The following THAP12 variants were observed in gnomAD, a reference collection of about 807,000 sequenced individuals.
The protein encoded by THAP12 is 52 kDa repressor of the inhibitor of the protein kinase.
THAP12 carries 20 observed loss-of-function variants against 63.0 expected under a neutral mutation model. That is an observed-to-expected ratio of 0.32 (90% CI 0.22 to 0.46). THAP12 has a LOEUF of 0.46. Among genes scored for constraint, THAP12 ranks in the 20% least tolerant of loss-of-function variants. The probability of loss-of-function intolerance (pLI) is 1.00; values close to 1 mark genes in which losing one functional copy is unlikely to be tolerated. For synonymous variants in THAP12, 264 were observed against 328.4 expected (o/e 0.80, Z 2.12); for missense variants, 568 against 908.2 (o/e 0.63, Z 4.81).
At chr11:76,369,246 T>C (rs1946653659) in intron 1 of THAP12, among the ~76,000 whole-genome samples, 1 of 152,172 alleles carries the variant, frequency 6.6e-6, no homozygotes, top group Non-Finnish European at 1.5e-5. Flanking sequence ...TACCAAATAT[T>C]GGGGAGAAGG....
intron 1 of THAP12, among the ~76,000 whole-genome samples, chr11:76,369,734 A>C (rs1268729467): frequency 6.6e-6 from 1 of 152,246 alleles, no homozygotes; most frequent in Non-Finnish European, 1.5e-5. Flanking sequence ...AACCTCGGAC[A>C]CTACGTCTCT....
intron 3 of THAP12, chr11:76,357,112 C>T (rs1946566759): frequency 6.6e-6 from 1 of 151,720 alleles, no homozygotes; most frequent in African/African-American, 2.4e-5. Flanking sequence ...TGTCATTATT[C>T]TCTAAACAAT....
At chr11:76,370,669 T>C (rs968516550) in intron 1 of THAP12, among the ~76,000 whole-genome samples, 3 of 151,934 alleles carry the variant, frequency 2.0e-5, no homozygotes, top group Admixed American at 6.6e-5. Flanking sequence ...AGCTCTTCTA[T>C]GTATACGTTT....
intron 1 of THAP12, among the ~76,000 whole-genome samples, chr11:76,370,843 A>AATATAT (rs1555025511): frequency 2.4e-4 from 34 of 141,560 alleles, no homozygotes; most frequent in Admixed American, 1.0e-3. Context: ...AAAAAAAAAA[A>AATATAT]ATATATATAT....
chr11:76,352,721 T>C lies in THAP12; in HGVS notation c.429A>G (p.Glu143=), dbSNP rs376326706. 3.7e-5 allele frequency: 59 copies of C among 1,606,842 alleles called. No homozygotes were observed. The African/African-American group carries it at 5.8e-4, about 16-fold the overall frequency. ...TGTCCTCATCTTGCCCTTCACCCTC[T>C]TCTTCGCTGGGGTTCTGAGCATTGC... ...NNSNAQNPSE[E]EGEGQDEDIL... The change falls in exon 5 of 5, where the codon GAA becomes GAG. Residue 143 remains glutamate, a synonymous_variant. Coordinates refer to ENST00000260045, the MANE Select transcript of THAP12 (RefSeq NM_004705.4).
At chr11:76,356,850 C>A (rs1029692456) in intron 3 of THAP12, 1 of 152,066 alleles carries the variant, frequency 6.6e-6, no homozygotes, top group South Asian at 2.1e-4. Context: ...CAAGACCAGC[C>A]TGACCAACAT....
At chr11:76,376,807 G>C (rs1420902936) in intron 1 of THAP12, among the ~76,000 whole-genome samples, 2 of 151,966 alleles carry the variant, frequency 1.3e-5, no homozygotes, top group Non-Finnish European at 2.9e-5. Flanking sequence ...TCCCCTTAAG[G>C]AGTGTAGTCA....
intron 3 of THAP12, chr11:76,356,537 T>C (rs1946562193): frequency 1.3e-5 from 2 of 152,224 alleles, no homozygotes; most frequent in African/African-American, 4.8e-5. Context: ...TGATACATAT[T>C]ACACTTCATA....
chr11:76,357,989 A>C (rs1946572416), intron 3 of THAP12: 1 of 152,184 alleles, frequency 6.6e-6, no homozygotes, highest in Admixed American at 6.5e-5. Context: ...ATCACTGACA[A>C]AACTACTGGT....
At chr11:76,376,084 G>T (rs1364330820) in intron 1 of THAP12, among the ~76,000 whole-genome samples, 2 of 152,138 alleles carry the variant, frequency 1.3e-5, no homozygotes, top group Non-Finnish European at 2.9e-5. Flanking sequence ...TTGCCTAATG[G>T]TTACAGTTTT....
rs1946627893 is a variant in THAP12, at chr11:76,365,933, T to C, written c.129A>G (p.Leu43=). The C allele has an allele frequency of 6.2e-7, 1 of 1,613,660 alleles. No individual in the cohort carries two copies. The highest frequency in any genetic ancestry group is 8.5e-7 in the Non-Finnish European group (1 of 1,179,680). ...TTAGCTGATCAGGTGTTTTATCTTC[T>C]AAGTCTGCTCTCCTACAGTTCTCCA... ...KWVENCRRAD[L]EDKTPDQLNK... Residue 43 remains leucine, a synonymous_variant, in exon 2 of 5, where the codon TTA becomes TTG. Transcript: ENST00000260045.
intron 3 of THAP12, chr11:76,358,350 T>C (rs1475856795): frequency 6.6e-6 from 1 of 152,148 alleles, no homozygotes; most frequent in Non-Finnish European, 1.5e-5. Context: ...TCCAATGGTA[T>C]ATAAAAGCAA....
At position 76,350,839 on chromosome 11, in the gene THAP12, A is replaced by G; in HGVS notation, c.*25T>C. 2 of 1,505,660 alleles carry G rather than the reference A, an allele frequency of 1.3e-6. No homozygotes were observed. Among genetic ancestry groups the G allele is most frequent in the Non-Finnish European group, 8.8e-7 (1 of 1,130,640 alleles). The allele number at this position is 1,505,660 out of a possible 1,614,324, so 93.3% of individuals were successfully genotyped here. On this transcript the variant is annotated 3_prime_UTR_variant, in exon 5 of 5. Coordinates refer to ENST00000260045, the MANE Select transcript of THAP12 (RefSeq NM_004705.4). ...GCTTTTTCTTCCAAATATCAAATATAAGAAAGCCTATTTTTAAAAGTCTCT... is the reference window on the plus strand; with the variant it reads ...GCTTTTTCTTCCAAATATCAAATATGAGAAAGCCTATTTTTAAAAGTCTCT...
chr11:76,375,763 T>A, intron 1 of THAP12, among the ~76,000 whole-genome samples: 1 of 123,874 alleles, frequency 8.1e-6, no homozygotes, highest in African/African-American at 2.8e-5. Context: ...GGGGGTGGGT[T>A]AGAACTAATA....
rs71036086 is a variant in THAP12 at position 76,371,810 on chromosome 11, CTTTT to C, written c.90-5842_90-5839del. Among the ~76,000 whole-genome samples the C allele has an allele frequency of 7.5e-3, 495 of 65,768 alleles. 4 individuals carry two copies. The highest frequency in any genetic ancestry group is 0.029 in the African/African-American group (480 of 16,514). The allele number at this position is 65,768 out of a possible 152,430, so 43.1% of individuals were successfully genotyped here. ...AGATTTTATTTCATTTTTAACTTTT[CTTTT>C]TTTTTTTTTTTTTTTTTGGTGGAGT... On this transcript the variant is annotated intron_variant, in intron 1 of 4. Transcript: ENST00000260045.
chr11:76,370,519 T>C (rs1351197367), intron 1 of THAP12, among the ~76,000 whole-genome samples: 1 of 151,774 alleles, frequency 6.6e-6, no homozygotes, highest in Non-Finnish European at 1.5e-5. Flanking sequence ...CACGCCACCA[T>C]GCCTGGCTAA....
chr11:76,380,669 G>A (rs1946749848), intron 1 of THAP12, 79 bp downstream of exon 1: 7 of 1,141,986 alleles, frequency 6.1e-6, no homozygotes, highest in Non-Finnish European at 7.9e-6. Flanking sequence ...GCCAGCCCGG[G>A]AGCCCGCCAG....
At chr11:76,366,667 C>G (rs1349545002) in intron 1 of THAP12, among the ~76,000 whole-genome samples, 1 of 151,242 alleles carries the variant, frequency 6.6e-6, no homozygotes, top group Non-Finnish European at 1.5e-5. Flanking sequence ...GGTGACAGAG[C>G]CAGACTCCGT....
chr11:76,351,897 T>G lies in THAP12; in HGVS notation c.1253A>C (p.Glu418Ala). 1 of 1,600,188 alleles carries G rather than the reference T, an allele frequency of 6.2e-7. No individual in the cohort carries two copies. ...CTGAGAATGGCAGATTTCCTTCAGT[T>G]CTTTACCCCTTTCTTTACTGTTCTG... ...LFQNSKERGK[E>A]LKEICHSQWT... The change falls in exon 5 of 5, where the codon GAA (glutamate) becomes GCA (alanine). Residue 418 changes from glutamate (E) to alanine (A), a missense_variant. Coordinates refer to ENST00000260045, the MANE Select transcript of THAP12 (RefSeq NM_004705.4).
Sources: allele counts gnomAD v4.1 joint callset (sites outside exome capture counted in the v4.1 genomes callset), GRCh38; gene constraint gnomAD v4.1.1; transcripts MANE v1.5; gene names NCBI Gene and HGNC (gene_info 2026-07-23, HGNC 2026-07-21).